Variants in PTPRM observed in about 807,000 individuals in gnomAD.
PTPRM encodes receptor-type tyrosine-protein phosphatase mu.
A neutral mutation model predicts 186.7 loss-of-function variants in PTPRM; 47 were observed. The ratio of observed to expected loss-of-function variants is 0.25; its 90% CI spans 0.20 to 0.32. The LOEUF (loss-of-function observed/expected upper bound fraction) is 0.32, where lower values mean the gene tolerates loss of function less well. PTPRM is among the 10% of genes least tolerant of loss of function. The pLI is 1.00. For missense variants in PTPRM, 1,494 were observed against 1,865.0 expected (o/e 0.80, Z 3.66); for synonymous variants, 668 against 674.9 (o/e 0.99, Z 0.16).
At chr18:8,380,556 CTG>C in intron 29 of PTPRM, 129 bp downstream of exon 29, 2 of 1,098,982 alleles carry the variant, frequency 1.8e-6, no homozygotes, top group Non-Finnish European at 2.6e-6. Flanking sequence ...AAGTTGAGAA[CTG>C]GGGATGCTGA....
intron 14 of PTPRM, among the ~76,000 whole-genome samples, chr18:8,146,993 T>C (rs569585975): frequency 6.6e-6 from 1 of 152,338 alleles, no homozygotes; most frequent in African/African-American, 2.4e-5. Flanking sequence ...GCCTATGTTC[T>C]GTTCCATTGG....
At chr18:7,913,895 C>G (rs778758641) in intron 4 of PTPRM, among the ~76,000 whole-genome samples, 42 of 152,224 alleles carry the variant, frequency 2.8e-4, no homozygotes, top group Admixed American at 1.0e-3. Context: ...AAATCCAAGA[C>G]TGTCCTGTAT....
At chr18:8,261,847 A>C (rs375998582) in intron 19 of PTPRM, among the ~76,000 whole-genome samples, 1 of 152,138 alleles carries the variant, frequency 6.6e-6, no homozygotes, top group African/African-American at 2.4e-5. Flanking sequence ...GAAGCTGGTT[A>C]TTAGAATTTT....
intron 21 of PTPRM, among the ~76,000 whole-genome samples, chr18:8,317,425 G>T (rs1253157961): frequency 6.6e-6 from 1 of 152,088 alleles, no homozygotes; most frequent in African/African-American, 2.4e-5. Context: ...TCCCAGTGGA[G>T]GTGTTGAGCA....
At chr18:7,797,802 G>T (rs1416434131) in intron 2 of PTPRM, among the ~76,000 whole-genome samples, 1 of 152,168 alleles carries the variant, frequency 6.6e-6, no homozygotes, top group Non-Finnish European at 1.5e-5. Context: ...GCAATCTAGT[G>T]TGTTCTTTAG....
chr18:8,296,408 A>G lies in PTPRM; in HGVS notation c.2795A>G (p.Lys932Arg). 1.9e-6 allele frequency: 3 copies of G among 1,611,554 alleles called. No individual in the cohort carries two copies. The highest frequency in any genetic ancestry group is 2.5e-6 in the Non-Finnish European group (3 of 1,177,692). Reference protein sequence around the residue: ...EGQSAPWDSAKKDENRMKNRY... With the variant: ...EGQSAPWDSARKDENRMKNRY... ...CAGTCTGCACCATGGGACTCGGCTA[A>G]GAAAGATGAGAACAGAATGAAGAAC... The change falls in exon 20 of 33, where the codon AAG (lysine) becomes AGG (arginine). Residue 932 changes from lysine to arginine, a missense_variant. Physicochemically the swap from Lys to Arg is conservative, Grantham distance 26. This residue lies in a region of PTPRM where 1,107 missense variants were observed against 1,350.2 expected (regional missense o/e 0.82). Coordinates refer to ENST00000580170, the MANE Select transcript of PTPRM (RefSeq NM_001105244.2).
chr18:7,981,326 T>G (rs1321106460), intron 7 of PTPRM, among the ~76,000 whole-genome samples: 3 of 152,172 alleles, frequency 2.0e-5, no homozygotes, highest in Admixed American at 2.0e-4. Flanking sequence ...AGGAACCATA[T>G]CTGCCTGTCT....
intron 1 of PTPRM, among the ~76,000 whole-genome samples, chr18:7,736,114 ATC>A: frequency 6.6e-6 from 1 of 152,130 alleles, no homozygotes; most frequent in South Asian, 2.1e-4. Flanking sequence ...TTCAGAATAA[ATC>A]TCTCTGAATA....
chr18:8,018,351 G>C (rs560089708), intron 7 of PTPRM, among the ~76,000 whole-genome samples: 185 of 152,274 alleles, frequency 1.2e-3, no homozygotes, highest in African/African-American at 4.2e-3. Flanking sequence ...AGCTGTATTT[G>C]CTGTGCATTT....
intron 32 of PTPRM, chr18:8,404,609 C>T (rs2095892361): frequency 6.6e-6 from 1 of 152,196 alleles, no homozygotes; most frequent in Non-Finnish European, 1.5e-5. Context: ...AATTAGGAGG[C>T]ACTTAAGAAA....
At chr18:7,621,031 T>G (rs2143968373) in intron 1 of PTPRM, among the ~76,000 whole-genome samples, 1 of 152,156 alleles carries the variant, frequency 6.6e-6, no homozygotes, top group African/African-American at 2.4e-5. Context: ...AGTAAATAAA[T>G]AAATAAATAA....
intron 5 of PTPRM, among the ~76,000 whole-genome samples, chr18:7,927,885 C>T (rs991970677): frequency 9.9e-5 from 15 of 152,086 alleles, no homozygotes; most frequent in Admixed American, 3.3e-4. Flanking sequence ...GTACAACAGG[C>T]ACATGCCACC....
intron 32 of PTPRM, among the ~76,000 whole-genome samples, chr18:8,405,693 G>A (rs972928071): frequency 6.6e-6 from 1 of 152,184 alleles, no homozygotes; most frequent in Non-Finnish European, 1.5e-5. Flanking sequence ...GGTAAAGCTG[G>A]ATCATGCATG....
chr18:7,834,992 CTTTTTTTTTTTTT>C (rs57839485), intron 2 of PTPRM, among the ~76,000 whole-genome samples: 1 of 85,268 alleles, frequency 1.2e-5, no homozygotes, highest in Admixed American at 1.3e-4. Flanking sequence ...TTATTTGGAT[CTTTTTTTTTTTTT>C]TTTTTTTTTA....
chr18:8,385,414 C>T (rs1224226818), intron 30 of PTPRM, among the ~76,000 whole-genome samples: 1 of 152,168 alleles, frequency 6.6e-6, no homozygotes, highest in Non-Finnish European at 1.5e-5. Context: ...AGTGCTAGGG[C>T]CTTACAGTGG....
intron 1 of PTPRM, among the ~76,000 whole-genome samples, chr18:7,653,055 A>G (rs2038756737): frequency 6.6e-6 from 1 of 151,894 alleles, no homozygotes; most frequent in Non-Finnish European, 1.5e-5. Flanking sequence ...CTTATGAAAA[A>G]AATGTCTGAA....
chr18:8,336,463 G>T (rs1316820759), intron 22 of PTPRM, among the ~76,000 whole-genome samples: 1 of 151,534 alleles, frequency 6.6e-6, no homozygotes, highest in African/African-American at 2.4e-5. Flanking sequence ...GAGGTGGGAG[G>T]ATCACTTGAA....
At chr18:8,073,779 A>G (rs1208475234) in intron 8 of PTPRM, among the ~76,000 whole-genome samples, 2 of 152,068 alleles carry the variant, frequency 1.3e-5, no homozygotes, top group African/African-American at 2.4e-5. Context: ...GCTGGTGCAT[A>G]CCTATGGTCC....
intron 1 of PTPRM, among the ~76,000 whole-genome samples, chr18:7,688,329 G>A (rs1194847507): frequency 7.2e-5 from 11 of 152,156 alleles, no homozygotes; most frequent in African/African-American, 2.7e-4. Flanking sequence ...CTCTAAGGGA[G>A]CTTTATTCCT....
Sources: allele counts gnomAD v4.1 joint callset (sites outside exome capture counted in the v4.1 genomes callset), GRCh38; gene constraint gnomAD v4.1.1; regional missense constraint gnomAD v4.1.1; transcripts MANE v1.5; gene names NCBI Gene and HGNC (gene_info 2026-07-23, HGNC 2026-07-21).